PTCSC3: variants seen among roughly 807,000 people sequenced by gnomAD.
PTCSC3 encodes papillary thyroid carcinoma susceptibility candidate 3 (non-protein coding).
At chr14:36,146,045 G>A (rs1881558086) in intron 3 of PTCSC3, among the ~76,000 whole-genome samples, 1 of 151,596 alleles carries the variant, frequency 6.6e-6, no homozygotes, top group South Asian at 2.1e-4. Context: ...TATAATCTCT[G>A]TTCTTTTACA....
chr14:36,136,880 T>C (rs1881300250), intron 3 of PTCSC3, among the ~76,000 whole-genome samples: 1 of 152,194 alleles, frequency 6.6e-6, no homozygotes, highest in Admixed American at 6.5e-5. Flanking sequence ...CTAGAAGTTT[T>C]TCATTTGACA....
At chr14:36,162,872 CT>C (rs1045209857) in intron 1 of PTCSC3, among the ~76,000 whole-genome samples, 2 of 152,168 alleles carry the variant, frequency 1.3e-5, no homozygotes, top group Admixed American at 6.5e-5. Context: ...CAGGTATTGA[CT>C]TGAGACCACA....
intron 2 of PTCSC3, among the ~76,000 whole-genome samples, chr14:36,154,724 C>T (rs1266898187): frequency 6.6e-6 from 1 of 151,968 alleles, no homozygotes; most frequent in Non-Finnish European, 1.5e-5. Flanking sequence ...CTCTCTCTTT[C>T]CTCTTTCTCT....
intron 1 of PTCSC3, among the ~76,000 whole-genome samples, chr14:36,171,760 G>T (rs1014908644): frequency 2.0e-5 from 3 of 152,160 alleles, no homozygotes; most frequent in Non-Finnish European, 4.4e-5. Flanking sequence ...TTTAAGAAAC[G>T]TTTTGCCACA....
intron 1 of PTCSC3, among the ~76,000 whole-genome samples, chr14:36,175,725 A>G (rs547499664): frequency 6.6e-6 from 1 of 152,362 alleles, no homozygotes; most frequent in Non-Finnish European, 1.5e-5. Flanking sequence ...GCCTACAGCT[A>G]TATTTAACTT....
At chr14:36,135,673 C>T (rs534407813), downstream of PTCSC3, among the ~76,000 whole-genome samples, 1 of 152,144 alleles carries the variant, frequency 6.6e-6, no homozygotes, top group East Asian at 1.9e-4. Flanking sequence ...GAAGGTGGTG[C>T]TGATAATGAA....
chr14:36,175,281 T>C (rs114836158), intron 1 of PTCSC3, among the ~76,000 whole-genome samples: 3,335 of 152,238 alleles, frequency 0.022, 119 homozygotes, highest in African/African-American at 0.077. Context: ...GCACTTCCCT[T>C]CTCTCAAGGA....
chr14:36,169,212 A>G (rs1192891809), intron 1 of PTCSC3, among the ~76,000 whole-genome samples: 1 of 152,124 alleles, frequency 6.6e-6, no homozygotes, highest in Non-Finnish European at 1.5e-5. Flanking sequence ...TACTGCCTTA[A>G]ATTTTTTTTT....
chr14:36,141,863 T>C (rs4981325), intron 3 of PTCSC3, among the ~76,000 whole-genome samples: 62 of 152,348 alleles, frequency 4.1e-4, no homozygotes, highest in African/African-American at 1.1e-3. Context: ...AGGAAAGTTA[T>C]TGACTTTAAT....
intron 1 of PTCSC3, among the ~76,000 whole-genome samples, chr14:36,168,642 G>A (rs188494405): frequency 1.4e-3 from 206 of 152,112 alleles, no homozygotes; most frequent in African/African-American, 4.7e-3. Flanking sequence ...TAGAGATGGG[G>A]CCTTGCTCTG....
At chr14:36,150,466 GA>G (rs1415368192) in intron 3 of PTCSC3, among the ~76,000 whole-genome samples, 1 of 152,168 alleles carries the variant, frequency 6.6e-6, no homozygotes, top group East Asian at 1.9e-4. Flanking sequence ...AGAACAGTAA[GA>G]AATAAACTTC....
chr14:36,161,960 C>T (rs1168070427), intron 2 of PTCSC3, among the ~76,000 whole-genome samples: 1 of 152,154 alleles, frequency 6.6e-6, no homozygotes, highest in African/African-American at 2.4e-5. Flanking sequence ...TGCGGAGCTG[C>T]GGTGGGCGTC....
rs184341209 is a variant in PTCSC3, at chr14:36,152,305, A to G, written n.322+1499T>C. On this transcript the variant is annotated intron_variant and non_coding_transcript_variant, in intron 3 of 3. Transcript: ENST00000556013. ...CTTTTTTTCATCAAAAGACATCAAGAAAAGCCAGGAATGGTGGCACACACC... is the reference window on the plus strand; with the variant it reads ...CTTTTTTTCATCAAAAGACATCAAGGAAAGCCAGGAATGGTGGCACACACC... 1.4e-3 allele frequency among the ~76,000 whole-genome samples: 220 copies of G among 152,300 alleles called. 2 individuals carry two copies. Among genetic ancestry groups the G allele is most frequent in the African/African-American group, 5.2e-3 (215 of 41,570 alleles).
At chr14:36,145,929 C>A (rs1420910109) in intron 3 of PTCSC3, among the ~76,000 whole-genome samples, 1 of 151,764 alleles carries the variant, frequency 6.6e-6, no homozygotes, top group Non-Finnish European at 1.5e-5. Context: ...ACCCAGTAGT[C>A]ATTCAGGAGC....
chr14:36,147,536 G>A lies in PTCSC3; in HGVS notation n.322+6268C>T, dbSNP rs1594447061. ...CATCAGCTCCTTTAAGCACTTCTCT[G>A]TATGGTTATTCTAGTTATACATTCT... On this transcript the variant is annotated intron_variant and non_coding_transcript_variant, in intron 3 of 3. Transcript: ENST00000556013. 2.0e-5 allele frequency among the ~76,000 whole-genome samples: 3 copies of A among 152,124 alleles called. No homozygotes were observed. The South Asian group carries it at 6.2e-4, about 32-fold the overall frequency.
intron 3 of PTCSC3, among the ~76,000 whole-genome samples, chr14:36,152,372 T>C (rs1881742664): frequency 6.6e-6 from 1 of 152,132 alleles, no homozygotes; most frequent in African/African-American, 2.4e-5. Context: ...GGAGGATTGC[T>C]TGAGCCCAGG....
At chr14:36,173,542 A>G (rs1360668896) in intron 1 of PTCSC3, among the ~76,000 whole-genome samples, 5 of 149,636 alleles carry the variant, frequency 3.3e-5, no homozygotes, top group Non-Finnish European at 5.9e-5. Flanking sequence ...ACAAGGGCCA[A>G]ATATTAAGAC....
intron 3 of PTCSC3, among the ~76,000 whole-genome samples, chr14:36,144,238 A>G (rs1204612709): frequency 6.7e-6 from 1 of 148,488 alleles, no homozygotes; most frequent in Non-Finnish European, 1.5e-5. Context: ...GAATCTGTAA[A>G]TTACCTTGGG....
intron 2 of PTCSC3, among the ~76,000 whole-genome samples, chr14:36,160,993 C>A (rs1438402598): frequency 6.6e-6 from 1 of 152,066 alleles, no homozygotes; most frequent in East Asian, 1.9e-4. Flanking sequence ...TCTGTGATAT[C>A]TTTCTTCCAC....
Sources: gnomAD v4.1 joint callset for allele counts (sites outside exome capture counted in the v4.1 genomes callset) on GRCh38, gnomAD v4.1.1 for gene constraint, MANE v1.5 for transcripts, NCBI Gene and HGNC (gene_info 2026-07-23, HGNC 2026-07-21) for gene names.